The following SMCHD1 variants were observed in gnomAD, a reference collection of about 807,000 sequenced individuals.
The protein encoded by SMCHD1 is structural maintenance of chromosomes flexible hinge domain-containing protein 1.
SMCHD1 carries 78 observed loss-of-function variants against 254.7 expected under a neutral mutation model. The observed-to-expected ratio is 0.31, with a 90% CI of 0.26 to 0.37. The LOEUF (loss-of-function observed/expected upper bound fraction) is 0.37, where lower values mean the gene tolerates loss of function less well. SMCHD1 is among the 10% of genes least tolerant of loss of function. The pLI, the probability that SMCHD1 is intolerant of heterozygous loss-of-function variation, is 1.00. For synonymous variants in SMCHD1, 766 were observed against 794.9 expected (o/e 0.96, Z 0.61); for missense variants, 1,840 against 2,408.1 (o/e 0.76, Z 4.94).
intron 10 of SMCHD1, among the ~76,000 whole-genome samples, chr18:2,699,618 G>A (rs2074356745): frequency 1.3e-5 from 2 of 152,234 alleles, no homozygotes; most frequent in Admixed American, 1.3e-4. Flanking sequence ...AGGATTACAG[G>A]CGTAAGCCCC....
At chr18:2,692,270 T>G (rs2074196742) in intron 7 of SMCHD1, among the ~76,000 whole-genome samples, 1 of 152,172 alleles carries the variant, frequency 6.6e-6, no homozygotes, top group Non-Finnish European at 1.5e-5. Context: ...AAATATTGGC[T>G]GGGCACAGTG....
At chr18:2,736,276 TAAATG>T (rs555147646) in intron 25 of SMCHD1, among the ~76,000 whole-genome samples, 1 of 152,160 alleles carries the variant, frequency 6.6e-6, no homozygotes, top group Non-Finnish European at 1.5e-5. Flanking sequence ...ATTAAAGACT[TAAATG>T]TAAAACTTCA....
At position 2,707,621 on chromosome 18, in the gene SMCHD1, G is replaced by A. The variant is rs2276092; in HGVS notation, c.2122G>A (p.Val708Ile). Residue 708 changes from valine to isoleucine, a missense_variant, in exon 16 of 48, where the codon GTT becomes ATT. Physicochemically the swap from Val to Ile is conservative, Grantham distance 29. Coordinates refer to ENST00000320876, the MANE Select transcript of SMCHD1 (RefSeq NM_015295.3). ...PEGDELLPNEVRPAGTPIGAL... is the reference protein window; with the variant it reads ...PEGDELLPNEIRPAGTPIGAL... ...AGGAGATGAATTATTGCCTAATGAG[G>A]TTAGGCCTGCTGGAACCCCTATTGG... is the stretch of plus-strand genomic sequence containing the variant. 0.7 allele frequency: 1,127,354 copies of A among 1,602,340 alleles called. 398,483 individuals carry two copies. Among genetic ancestry groups the A allele is most frequent in the Admixed American group, 0.79 (46,153 of 58,742 alleles).
intron 45 of SMCHD1, among the ~76,000 whole-genome samples, chr18:2,793,672 G>GAAAAAAA (rs77607786): frequency 3.0e-5 from 2 of 65,880 alleles, no homozygotes; most frequent in African/African-American, 6.3e-5. Flanking sequence ...AAAAAAAAAA[G>GAAAAAAA]AAAGAAAACA....
intron 45 of SMCHD1, among the ~76,000 whole-genome samples, chr18:2,787,087 A>G (rs1365910957): frequency 1.3e-5 from 2 of 152,218 alleles, no homozygotes; most frequent in African/African-American, 4.8e-5. Flanking sequence ...GAAAAGTTCA[A>G]GATTGGGCAT....
At chr18:2,695,979 A>G (rs1159036810) in intron 8 of SMCHD1, among the ~76,000 whole-genome samples, 1 of 152,242 alleles carries the variant, frequency 6.6e-6, no homozygotes, top group Non-Finnish European at 1.5e-5. Context: ...AACTCAGTGT[A>G]CATTAACACA....
Position 2,656,161 on chromosome 18 carries a change from A to G in SMCHD1, c.86A>G (p.Tyr29Cys). ...GGAGGCGTCGGCCACAGGACGGTGT[A>G]CTTGTTTGATCGGCGCGAAAAGGAG... The part of the protein sequence containing the change: ...DGGGVGHRTV[Y>C]LFDRREKESE... Residue 29 changes from tyrosine (Y) to cysteine (C), a missense_variant, in exon 1 of 48, where the codon TAC (tyrosine) becomes TGC (cysteine). Around this residue, in one of 9 missense-constraint regions of SMCHD1, gnomAD observed 115 missense variants for 99.1 expected, o/e 1.16. Coordinates refer to ENST00000320876, the MANE Select transcript of SMCHD1 (RefSeq NM_015295.3). 1 of 1,516,138 alleles carries G rather than the reference A, an allele frequency of 6.6e-7. No homozygotes were observed. Among genetic ancestry groups the G allele is most frequent in the South Asian group, 1.3e-5 (1 of 78,712 alleles). The allele number at this position is 1,516,138 out of a possible 1,614,324, so 93.9% of individuals were successfully genotyped here.
intron 15 of SMCHD1, among the ~76,000 whole-genome samples, chr18:2,707,075 C>T (rs1286242429): frequency 2.6e-5 from 4 of 152,082 alleles, no homozygotes; most frequent in African/African-American, 9.7e-5. Context: ...ATCCAATCAC[C>T]GCCCACCAGG....
At chr18:2,781,129 G>T (rs1162399487) in intron 44 of SMCHD1, among the ~76,000 whole-genome samples, 1 of 152,198 alleles carries the variant, frequency 6.6e-6, no homozygotes, top group African/African-American at 2.4e-5. Context: ...ACAACATGGG[G>T]AGTCTGATAA....
intron 23 of SMCHD1, 160 bp downstream of exon 23, chr18:2,728,756 AT>A (rs2075075467): frequency 4.6e-6 from 3 of 654,498 alleles, no homozygotes; most frequent in African/African-American, 3.8e-5. Context: ...TTTTTTTTTA[AT>A]CGTACCTAAA....
At chr18:2,801,504 C>G (rs527324163) in intron 47 of SMCHD1, among the ~76,000 whole-genome samples, 1 of 152,220 alleles carries the variant, frequency 6.6e-6, no homozygotes, top group African/African-American at 2.4e-5. Flanking sequence ...TTCCTATTCT[C>G]TATAAATCTT....
intron 7 of SMCHD1, among the ~76,000 whole-genome samples, chr18:2,690,171 C>T (rs1462692559): frequency 2.0e-5 from 3 of 152,128 alleles, no homozygotes; most frequent in Non-Finnish European, 4.4e-5. Context: ...GGTGAATTTC[C>T]TTCTAATTCA....
chr18:2,749,342 G>A (rs2075527914), intron 30 of SMCHD1, among the ~76,000 whole-genome samples: 1 of 152,150 alleles, frequency 6.6e-6, no homozygotes, highest in African/African-American at 2.4e-5. Context: ...GAGAAAGTCT[G>A]ATTTTTCTTC....
chr18:2,788,969 A>G (rs2076278680), intron 45 of SMCHD1, among the ~76,000 whole-genome samples: 1 of 152,084 alleles, frequency 6.6e-6, no homozygotes, highest in Non-Finnish European at 1.5e-5. Flanking sequence ...AACTACAGAC[A>G]AGGCATTGTT....
At chr18:2,785,989 GTTTACTTTTA>G (rs1479060280) in intron 45 of SMCHD1, among the ~76,000 whole-genome samples, 1 of 151,950 alleles carries the variant, frequency 6.6e-6, no homozygotes, top group East Asian at 1.9e-4. Context: ...GCAACGTTTT[GTTTACTTTTA>G]TTTACTTTTT....
At chr18:2,686,740 A>G (rs2074061085) in intron 5 of SMCHD1, among the ~76,000 whole-genome samples, 1 of 151,866 alleles carries the variant, frequency 6.6e-6, no homozygotes, top group Admixed American at 6.6e-5. Flanking sequence ...GTGATTGTAG[A>G]TGTTGGGAGG....
intron 25 of SMCHD1, among the ~76,000 whole-genome samples, chr18:2,733,613 T>C (rs2075187149): frequency 6.6e-6 from 1 of 152,244 alleles, no homozygotes; most frequent in Non-Finnish European, 1.5e-5. Context: ...TACAGTTTTC[T>C]ATGTTGACCT....
intron 36 of SMCHD1, 46 bp downstream of exon 36, chr18:2,762,282 T>C (rs2075799686): frequency 6.3e-7 from 1 of 1,587,678 alleles, no homozygotes; most frequent in African/African-American, 1.3e-5. Flanking sequence ...ACAAGAAAAA[T>C]TATCTTTGAT....
intron 45 of SMCHD1, among the ~76,000 whole-genome samples, chr18:2,787,992 CTT>C (rs1005499076): frequency 1.6e-4 from 25 of 152,318 alleles, no homozygotes; most frequent in African/African-American, 5.8e-4. Context: ...TTTAATATAA[CTT>C]AACTCCCACC....
Sources: gnomAD v4.1 joint callset for allele counts (sites outside exome capture counted in the v4.1 genomes callset) on GRCh38, gnomAD v4.1.1 for gene constraint, gnomAD v4.1.1 regional missense constraint, MANE v1.5 for transcripts, NCBI Gene and HGNC (gene_info 2026-07-23, HGNC 2026-07-21) for gene names.